TARBP1: variants seen among roughly 807,000 people sequenced by gnomAD.
TARBP1 encodes the protein tRNA (guanosine(18)-2'-O)-methyltransferase TARBP1.
A neutral mutation model predicts 178.6 loss-of-function variants in TARBP1; 144 were observed. The observed-to-expected ratio is 0.81, with a 90% CI of 0.70 to 0.93. TARBP1 has a LOEUF of 0.93. Among genes scored for constraint, TARBP1 ranks in the 40% least tolerant of loss-of-function variants. The pLI is 0.00. For synonymous variants in TARBP1, 787 were observed against 781.0 expected (o/e 1.01, Z -0.13); for missense variants, 2,067 against 2,011.7 (o/e 1.03, Z -0.53).
intron 9 of TARBP1, among the ~76,000 whole-genome samples, chr1:234,457,304 GA>G (rs927092441): frequency 2.0e-5 from 3 of 152,222 alleles, no homozygotes; most frequent in Non-Finnish European, 1.5e-5. Context: ...CTGGGTGGAG[GA>G]AGGGGCCATT....
intron 20 of TARBP1, among the ~76,000 whole-genome samples, chr1:234,421,123 C>T (rs1663038179): frequency 6.6e-6 from 1 of 152,146 alleles, no homozygotes; most frequent in Non-Finnish European, 1.5e-5. Flanking sequence ...GAGTCTTACT[C>T]TGTTGCCCAG....
intron 6 of TARBP1, among the ~76,000 whole-genome samples, chr1:234,462,548 G>A (rs565037896): frequency 6.6e-6 from 1 of 152,180 alleles, no homozygotes; most frequent in South Asian, 2.1e-4. Flanking sequence ...AATTAGCTGG[G>A]CGTGGTGGCG....
intron 10 of TARBP1, among the ~76,000 whole-genome samples, 199 bp from the exon 11 acceptor site, chr1:234,448,778 T>C (rs963012748): frequency 1.3e-5 from 2 of 152,124 alleles, no homozygotes; most frequent in Admixed American, 6.5e-5. Context: ...AAAAAGAAAT[T>C]TGTGTGCCTG....
chr1:234,430,065 T>G (rs1664259955), intron 15 of TARBP1, 22 bp downstream of exon 15: 15 of 1,591,474 alleles, frequency 9.4e-6, no homozygotes, highest in Non-Finnish European at 1.3e-5. Context: ...AATGGATTTT[T>G]AAGCCTTAAC....
chr1:234,453,240 T>C (rs1220718474), intron 9 of TARBP1, among the ~76,000 whole-genome samples: 1 of 151,728 alleles, frequency 6.6e-6, no homozygotes, highest in Non-Finnish European at 1.5e-5. Flanking sequence ...ACCACACTAA[T>C]ACAAAATGTT....
intron 12 of TARBP1, among the ~76,000 whole-genome samples, chr1:234,444,680 A>G (rs1213933559): frequency 6.9e-6 from 1 of 145,236 alleles, no homozygotes. Flanking sequence ...CCCTCACTCT[A>G]TCTCCTCTTT....
chr1:234,439,599 T>C (rs1046233359), intron 12 of TARBP1, among the ~76,000 whole-genome samples: 1 of 152,114 alleles, frequency 6.6e-6, no homozygotes, highest in South Asian at 2.1e-4. Flanking sequence ...GCCAAGGTGG[T>C]TGAATCACCT....
intron 7 of TARBP1, among the ~76,000 whole-genome samples, chr1:234,459,974 C>T (rs1397738019): frequency 2.0e-5 from 3 of 151,546 alleles, no homozygotes; most frequent in East Asian, 1.9e-4. Context: ...TTTCTACTTA[C>T]GAATGTAATT....
chr1:234,429,787 G>A (rs1420118671), intron 15 of TARBP1, 110 bp from the exon 16 acceptor site: 2 of 1,224,596 alleles, frequency 1.6e-6, no homozygotes, highest in Admixed American at 4.8e-5. Flanking sequence ...GCAGTGTACA[G>A]ATATAAATGG....
chr1:234,420,525 G>A (rs1210373176), intron 21 of TARBP1, among the ~76,000 whole-genome samples, 177 bp downstream of exon 21: 1 of 152,122 alleles, frequency 6.6e-6, no homozygotes, highest in Non-Finnish European at 1.5e-5. Context: ...ATACCTAATT[G>A]CCTTGGTATT....
At chr1:234,442,470 G>A (rs1253633386) in intron 12 of TARBP1, among the ~76,000 whole-genome samples, 2 of 152,012 alleles carry the variant, frequency 1.3e-5, no homozygotes, top group East Asian at 3.9e-4. Flanking sequence ...GTTACCCAGG[G>A]GCTATATTAT....
Position 234,391,735 on chromosome 1 carries a change from C to T in TARBP1, c.4708G>A (p.Glu1570Lys). Residue 1570 changes from glutamate to lysine, a missense_variant, in exon 30 of 30, where the codon GAG (glutamate) becomes AAG (lysine). Coordinates refer to ENST00000040877, the MANE Select transcript of TARBP1 (RefSeq NM_005646.4). The stretch of plus-strand genomic sequence containing the variant: ...TGGATCAGATTTGCTGGAATTCCCT[C>T]ACGTTCATTTCTGAGGAAGAAAATG... The part of the protein sequence containing the change: ...KSLLLLGNER[E>K]GIPANLIQQL... 6 of 1,612,920 alleles carry T rather than the reference C, an allele frequency of 3.7e-6. No homozygotes were observed. The highest frequency in any genetic ancestry group is 5.1e-6 in the Non-Finnish European group (6 of 1,179,722).
In TARBP1 at chr1:234,478,631, G is replaced by T; in HGVS notation, c.473C>A (p.Pro158Gln). Reference protein sequence around the residue: ...GPCLRPREDGPLLERVAGTAV... With the variant: ...GPCLRPREDGQLLERVAGTAV... ...GGTCCCCGCCACGCGCTCCAGTAGCGGCCCGTCCTCGCGGGGCCGCAAACA... is the reference window on the plus strand; with the variant it reads ...GGTCCCCGCCACGCGCTCCAGTAGCTGCCCGTCCTCGCGGGGCCGCAAACA... Residue 158 changes from proline to glutamine, a missense_variant, in exon 1 of 30, where the codon CCG becomes CAG. Pro to Gln is a moderately conservative substitution (Grantham distance 76). Coordinates refer to ENST00000040877, the MANE Select transcript of TARBP1 (RefSeq NM_005646.4). The T allele has an allele frequency of 7.7e-7, 1 of 1,297,356 alleles. No homozygotes were observed. The highest frequency in any genetic ancestry group is 9.8e-7 in the Non-Finnish European group (1 of 1,023,082). The allele number at this position is 1,297,356 out of a possible 1,614,324, so 80.4% of individuals were successfully genotyped here.
chr1:234,432,121 C>T (rs1030401044), intron 14 of TARBP1, among the ~76,000 whole-genome samples: 3 of 126,234 alleles, frequency 2.4e-5, no homozygotes, highest in Admixed American at 9.1e-5. Flanking sequence ...GGCAAAAGAG[C>T]GAAACTCCGT....
chr1:234,404,512 T>C (rs1208026195), intron 24 of TARBP1, among the ~76,000 whole-genome samples: 1 of 152,150 alleles, frequency 6.6e-6, no homozygotes, highest in African/African-American at 2.4e-5. Flanking sequence ...TAATAGGAAA[T>C]ACACCATACA....
At chr1:234,406,245 T>C in intron 23 of TARBP1, 146 bp from the exon 24 acceptor site, 1 of 679,214 alleles carries the variant, frequency 1.5e-6, no homozygotes, top group Non-Finnish European at 2.5e-6. Flanking sequence ...CTCTCATTCT[T>C]CCCTCCTGGT....
At position 234,425,830 on chromosome 1, in the gene TARBP1, T is replaced by C. The variant is rs1452436220; in HGVS notation, c.3324-37A>G. ...AAATGATAAATTATGTTAATACATT[T>C]TGAAAACAGAAAATTAACATCAAAT... On this transcript the variant is annotated intron_variant, in intron 19 of 29. Transcript: ENST00000040877. 2.1e-6 allele frequency: 3 copies of C among 1,441,588 alleles called. No individual in the cohort carries two copies. The African/African-American group carries it at 4.4e-5, about 21-fold the overall frequency. The allele number at this position is 1,441,588 out of a possible 1,614,324, so 89.3% of individuals were successfully genotyped here. A position where few individuals can be genotyped will look rare whatever the true frequency, so the allele number is the denominator to read the frequency against.
At chr1:234,417,997 A>T in intron 22 of TARBP1, 87 bp downstream of exon 22, 9 of 868,674 alleles carry the variant, frequency 1.0e-5, no homozygotes, top group Non-Finnish European at 1.5e-5. Context: ...TGAGAGTCAA[A>T]AACAACTATT....
At chr1:234,453,553 A>T (rs939192465) in intron 9 of TARBP1, among the ~76,000 whole-genome samples, 4 of 152,066 alleles carry the variant, frequency 2.6e-5, no homozygotes, top group African/African-American at 9.7e-5. Context: ...AATAAAATCT[A>T]TTAATTAAAA....
Sources: gnomAD v4.1 joint callset for allele counts (sites outside exome capture counted in the v4.1 genomes callset) on GRCh38, gnomAD v4.1.1 for gene constraint, MANE v1.5 for transcripts, NCBI Gene and HGNC (gene_info 2026-07-23, HGNC 2026-07-21) for gene names.